The following SPON2 variants were observed in gnomAD, a reference collection of about 807,000 sequenced individuals.
SPON2 encodes the protein spondin-2.
A neutral mutation model predicts 29.9 loss-of-function variants in SPON2; 32 were observed. The observed-to-expected ratio is 1.07, with a 90% CI of 0.81 to 1.44. The LOEUF is 1.44. Among genes scored for constraint, SPON2 ranks in the 40% most tolerant of loss-of-function variants. The probability of loss-of-function intolerance (pLI) is 0.00; values close to 1 mark genes in which losing one functional copy is unlikely to be tolerated. For synonymous variants in SPON2, 248 were observed against 209.1 expected, an observed-to-expected ratio of 1.19 and a Z score of -1.61; for missense variants, 541 against 455.5, an observed-to-expected ratio of 1.19 and a Z score of -1.71.
upstream of SPON2, among the ~76,000 whole-genome samples, chr4:1,176,768 ACATT>A (rs199690606): frequency 0.011 from 1,717 of 152,286 alleles, 10 homozygotes; most frequent in Non-Finnish European, 0.018. Flanking sequence ...CTCACACAGT[ACATT>A]CATTCAATCA....
chr4:1,207,061 G>A (rs1453892763), intron 1 of SPON2, among the ~76,000 whole-genome samples: 1 of 151,936 alleles, frequency 6.6e-6, no homozygotes, highest in Non-Finnish European at 1.5e-5. Flanking sequence ...GCACGGGGAG[G>A]AGGCTGGAGT....
chr4:1,203,509 C>T (rs1728266919), intron 1 of SPON2, among the ~76,000 whole-genome samples: 2 of 152,184 alleles, frequency 1.3e-5, no homozygotes, highest in Non-Finnish European at 2.9e-5. Flanking sequence ...AGCAGATGGA[C>T]ATGTAGGCTG....
upstream of SPON2, among the ~76,000 whole-genome samples, chr4:1,197,567 G>A (rs527435901): frequency 9.9e-5 from 15 of 152,282 alleles, no homozygotes; most frequent in African/African-American, 3.6e-4. Flanking sequence ...AAATAAACGA[G>A]AGGGACTTTG....
intron 1 of SPON2, chr4:1,194,868 A>ACAGCCGGCGGTTCCAACCCCG (rs1560210459): frequency 6.7e-6 from 1 of 148,600 alleles, no homozygotes; most frequent in African/African-American, 2.5e-5. Flanking sequence ...GCCTCACCCC[A>ACAGCCGGCGGTTCCAACCCCG]CAGCCGGCGG....
At chr4:1,191,041 T>C (rs536674160) in intron 1 of SPON2, among the ~76,000 whole-genome samples, 12 of 152,214 alleles carry the variant, frequency 7.9e-5, no homozygotes, top group African/African-American at 2.6e-4. Context: ...GGTCTACAGA[T>C]TCAATCCAAT....
chr4:1,180,491 G>A (rs942202656), intron 1 of SPON2, among the ~76,000 whole-genome samples: 6 of 152,166 alleles, frequency 3.9e-5, no homozygotes, highest in Non-Finnish European at 7.3e-5. Flanking sequence ...GAAAGCACAA[G>A]AAAGTATGAC....
At chr4:1,195,688 C>T (rs1728051110), upstream of SPON2, among the ~76,000 whole-genome samples, 14 of 152,238 alleles carry the variant, frequency 9.2e-5, no homozygotes, top group Admixed American at 9.2e-4. Context: ...TGGCCAGCAG[C>T]CCTGGGATGC....
chr4:1,171,571 T>C, intron 2 of SPON2, 85 bp from the exon 3 acceptor site: 2 of 1,360,360 alleles, frequency 1.5e-6, no homozygotes, highest in Non-Finnish European at 2.0e-6. Context: ...AGGAAATCCC[T>C]CCCCGCCGCC....
chr4:1,171,522 C>A, intron 2 of SPON2, 36 bp from the exon 3 acceptor site: 1 of 1,592,790 alleles, frequency 6.3e-7, no homozygotes. Context: ...GGACCATGGT[C>A]AGACACTGCG....
intron 1 of SPON2, among the ~76,000 whole-genome samples, chr4:1,203,102 C>G (rs1728253154): frequency 6.6e-6 from 1 of 152,216 alleles, no homozygotes; most frequent in African/African-American, 2.4e-5. Flanking sequence ...GCCATTGGAG[C>G]TGCCCTCAGC....
intron 4 of SPON2, 90 bp from the exon 5 acceptor site, chr4:1,170,666 C>A (rs1387863595): frequency 7.1e-7 from 1 of 1,415,586 alleles, no homozygotes. Flanking sequence ...TGCCCAGCGT[C>A]CAGCGTGCCC....
At chr4:1,170,782 G>A in intron 4 of SPON2, 1 of 935,868 alleles carries the variant, frequency 1.1e-6, no homozygotes, top group Non-Finnish European at 1.7e-6. Flanking sequence ...CGGGACGCGC[G>A]TCCCGCTGTC....
intron 2 of SPON2, among the ~76,000 whole-genome samples, chr4:1,179,187 A>G (rs1577902794): frequency 1.3e-5 from 2 of 150,670 alleles, no homozygotes; most frequent in South Asian, 2.1e-4. Context: ...CGGCTGCTTC[A>G]CCTCTGGAAG....
Position 1,171,914 on chromosome 4 carries a change from T to A in SPON2, c.158A>T (p.Gln53Leu), listed in dbSNP as rs758917086. Residue 53 changes from glutamine to leucine, a missense_variant, in exon 2 of 6, where the codon CAG becomes CTG. Coordinates refer to ENST00000290902, the MANE Select transcript of SPON2 (RefSeq NM_012445.4). ...GGGGTACTGCTTGGGGAAGGCCGTC[T>A]GGCTCCACTTGCCCGTGAAGGTGAT... ...YSITFTGKWS[Q>L]TAFPKQYPLF... 1 of 1,612,936 alleles carries A rather than the reference T, an allele frequency of 6.2e-7. No homozygotes were observed. Among genetic ancestry groups the A allele is most frequent in the Admixed American group, 1.7e-5 (1 of 60,020 alleles).
upstream of SPON2, among the ~76,000 whole-genome samples, chr4:1,197,921 G>T (rs559210882): frequency 1.6e-4 from 24 of 152,170 alleles, no homozygotes; most frequent in African/African-American, 5.5e-4. Context: ...GGTGGTGCGT[G>T]CCCGTAGTCC....
chr4:1,186,135 T>G (rs1727798034), intron 1 of SPON2, among the ~76,000 whole-genome samples: 1 of 150,554 alleles, frequency 6.6e-6, no homozygotes, highest in East Asian at 2.0e-4. Context: ...TCCCAGCTAC[T>G]CAGGAGGCTG....
At position 1,202,094 on chromosome 4, in the gene SPON2, C is replaced by T. The variant is rs1266026095; in HGVS notation, c.-234+5786G>A. Among the ~76,000 whole-genome samples the T allele has an allele frequency of 6.6e-6, 1 of 152,230 alleles. No homozygotes were observed. The highest frequency in any genetic ancestry group is 1.5e-5 in the Non-Finnish European group (1 of 68,048). On this transcript the variant is annotated intron_variant, in intron 1 of 3. Coordinates refer to the SPON2 transcript ENST00000509233. This position sits in a 1 kb window ranked among gnomAD's most constrained non-coding sequence, Gnocchi z 5.4. Reference sequence around the variant, plus strand: ...GCAGAAGACGTCCTGTGCCTGTTAGCAACCGCTCCCCGCCACGGTTTGAGT... The same window carrying T: ...GCAGAAGACGTCCTGTGCCTGTTAGTAACCGCTCCCCGCCACGGTTTGAGT...
At chr4:1,185,993 C>T (rs1206688942) in intron 1 of SPON2, among the ~76,000 whole-genome samples, 1 of 151,544 alleles carries the variant, frequency 6.6e-6, no homozygotes. Flanking sequence ...GCCTGTAATC[C>T]CAGCACTTTG....
At chr4:1,204,473 C>G (rs577517951) in intron 1 of SPON2, among the ~76,000 whole-genome samples, 1 of 152,164 alleles carries the variant, frequency 6.6e-6, no homozygotes, top group Non-Finnish European at 1.5e-5. Context: ...GTCCTTTTGG[C>G]GTGTCTGTAA....
Sources: gnomAD v4.1 joint callset for allele counts (sites outside exome capture counted in the v4.1 genomes callset) on GRCh38, gnomAD v4.1.1 for gene constraint, Gnocchi (gnomAD v3.1) non-coding constraint, MANE v1.5 for transcripts, NCBI Gene and HGNC (gene_info 2026-07-23, HGNC 2026-07-21) for gene names.